The following SYCE1L variants were observed in gnomAD, a reference collection of about 807,000 sequenced individuals.
The protein encoded by SYCE1L is synaptonemal complex central element protein 1-like.
A neutral mutation model predicts 39.6 loss-of-function variants in SYCE1L; 51 were observed. That is an observed-to-expected ratio of 1.29 (90% CI 1.03 to 1.63). The LOEUF (loss-of-function observed/expected upper bound fraction) is 1.63. Among genes scored for constraint, SYCE1L ranks in the 40% most tolerant of loss-of-function variants. SYCE1L has a pLI of 0.00. For missense variants in SYCE1L, 426 were observed against 304.9 expected (o/e 1.40, Z -2.96); for synonymous variants, 147 against 122.4 (o/e 1.20, Z -1.33).
chr16:77,212,610 C>T lies in SYCE1L; in HGVS notation c.618C>T (p.Val206=), dbSNP rs1179523485. The T allele has an allele frequency of 2.8e-5, 43 of 1,535,770 alleles. No individual in the cohort carries two copies. Among genetic ancestry groups the T allele is most frequent in the Non-Finnish European group, 3.2e-5 (37 of 1,146,368 alleles). ...KAELEIFGEQ[V]RSAPEVGAGE... is the part of the protein sequence containing the mutation. ...AGCTGGAGATATTCGGGGAGCAGGT[C>T]CGGAGCGCCCCCGAGGTCGGGGCCG... is the stretch of plus-strand genomic sequence containing the variant. The change falls in exon 10 of 11, where the codon GTC becomes GTT. Residue 206 remains valine (V), a synonymous_variant. Transcript: ENST00000378644.
Position 77,213,192 on chromosome 16 carries a change from C to G in SYCE1L, c.*261C>G, listed in dbSNP as rs1267373164. 5.3e-6 allele frequency: 2 copies of G among 378,896 alleles called. No homozygotes were observed. Among genetic ancestry groups the G allele is most frequent in the East Asian group, 3.8e-5 (1 of 26,166 alleles). 23.5% of individuals were successfully genotyped at this position (378,896 alleles called of 1,614,324 possible). On this transcript the variant is annotated 3_prime_UTR_variant, in exon 11 of 11. Transcript: ENST00000378644. ...AGTATCCCCCGCCCCACGGCCTCAT[C>G]TCGAGTTCCCAAACCATCTATGTTG...
chr16:77,212,732 G>C, intron 10 of SYCE1L, 86 bp downstream of exon 10: 1 of 1,433,640 alleles, frequency 7.0e-7, no homozygotes, highest in East Asian at 2.6e-5. Flanking sequence ...GCCCCCGAGA[G>C]TGGGGTCTGT....
At position 77,213,086 on chromosome 16, in the gene SYCE1L, AC is replaced by A; in HGVS notation, c.*159del. On this transcript the variant is annotated 3_prime_UTR_variant, in exon 11 of 11. Coordinates refer to ENST00000378644, the MANE Select transcript of SYCE1L (RefSeq NM_001129979.3). ...GATCTCGAGGCGGGGCCTCTGCCGGACCCCTCCCACCAGTCGAGCCCCGGGC... is the reference window on the plus strand; with the variant it reads ...GATCTCGAGGCGGGGCCTCTGCCGGACCCTCCCACCAGTCGAGCCCCGGGC... The A allele has an allele frequency of 1.3e-6, 1 of 753,842 alleles. No individual in the cohort carries two copies. The highest frequency in any genetic ancestry group is 1.9e-6 in the Non-Finnish European group (1 of 534,252). 46.7% of individuals were successfully genotyped at this position (753,842 alleles called of 1,614,324 possible).
rs748557852 is a variant in SYCE1L, at chr16:77,212,198, G to A, written c.492G>A (p.Glu164=). 7 of 1,547,640 alleles carry A rather than the reference G, an allele frequency of 4.5e-6. No homozygotes were observed. In the South Asian group the frequency reaches 6.0e-5, roughly 13 times the overall value. Residue 164 remains glutamate (E), a splice_region_variant and synonymous_variant, in exon 8 of 11, where the codon GAG becomes GAA. Transcript: ENST00000378644. The part of the protein sequence containing the change: ...LERSKEQLLS[E]RRLVRAKLRE... ...GAAGCAAGGAGCAGCTGCTCTCGGA[G>A]AGTGAGCCTCCCGCGCCAGGTGGGC...
At chr16:77,209,620 C>G (rs1597037729) in intron 6 of SYCE1L, 149 bp downstream of exon 6, 1 of 811,446 alleles carries the variant, frequency 1.2e-6, no homozygotes, top group East Asian at 2.7e-5. Flanking sequence ...CCTTGGTTAT[C>G]TCTGATATTA....
Position 77,212,281 on chromosome 16 carries a change from G to C in SYCE1L, c.494-1G>C, listed in dbSNP as rs1440963348. On this transcript the variant is annotated splice_acceptor_variant, in intron 8 of 10. Transcript: ENST00000378644. LOFTEE classifies it high-confidence loss of function. ...TGCCCCTGACGCCCGCCCACCGACA[G>C]GGAGGCTGGTGCGCGCCAAGCTGCG... 4 of 1,520,074 alleles carry C rather than the reference G, an allele frequency of 2.6e-6. No homozygotes were observed. Among genetic ancestry groups the C allele is most frequent in the Non-Finnish European group, 3.5e-6 (4 of 1,134,662 alleles). 94.2% of individuals were successfully genotyped at this position (1,520,074 alleles called of 1,614,324 possible).
intron 2 of SYCE1L, among the ~76,000 whole-genome samples, 195 bp downstream of exon 2, chr16:77,206,695 A>G (rs1225525858): frequency 6.6e-6 from 1 of 152,056 alleles, no homozygotes; most frequent in African/African-American, 2.4e-5. Flanking sequence ...GAATGGAAAA[A>G]CCAGTTCCCC....
chr16:77,207,782 C>T (rs541222987), intron 2 of SYCE1L, among the ~76,000 whole-genome samples: 4 of 152,262 alleles, frequency 2.6e-5, no homozygotes, highest in South Asian at 2.1e-4. Context: ...GTGCCTCACC[C>T]GCTCCTGCCA....
In SYCE1L at chr16:77,199,477, A is replaced by G. The variant is rs761911708; in HGVS notation, c.26A>G (p.Asn9Ser). Residue 9 changes from asparagine to serine, a missense_variant, in exon 1 of 11, where the codon AAT becomes AGT. Coordinates refer to ENST00000378644, the MANE Select transcript of SYCE1L (RefSeq NM_001129979.3). ...ATGGCGGGGAAGCTGAAACCTCTGA[A>G]TGTGGAGGCGCCAGAAGCTACTGAG... is the stretch of plus-strand genomic sequence containing the variant. Reference protein sequence around the residue: MAGKLKPLNVEAPEATEEA... With the variant: MAGKLKPLSVEAPEATEEA... 9 of 1,551,402 alleles carry G rather than the reference A, an allele frequency of 5.8e-6. No individual in the cohort carries two copies. The African/African-American group carries it at 1.1e-4, about 19-fold the overall frequency.
intron 1 of SYCE1L, chr16:77,200,364 A>G (rs1403705338): frequency 6.7e-6 from 1 of 150,336 alleles, no homozygotes; most frequent in Non-Finnish European, 1.5e-5. Flanking sequence ...AGGCAGGAGA[A>G]TCACTTGAAC....
intron 1 of SYCE1L, among the ~76,000 whole-genome samples, chr16:77,205,010 A>C (rs1190510071): frequency 2.0e-5 from 3 of 146,572 alleles, no homozygotes; most frequent in Non-Finnish European, 4.5e-5. Context: ...GTGCCACTGC[A>C]CTCCAGCCTG....
chr16:77,204,003 A>G (rs1346693911), intron 1 of SYCE1L, among the ~76,000 whole-genome samples: 1 of 152,168 alleles, frequency 6.6e-6, no homozygotes, highest in East Asian at 1.9e-4. Flanking sequence ...TCAAGAGGAA[A>G]TGAATAAGGT....
intron 1 of SYCE1L, 86 bp downstream of exon 1, chr16:77,199,598 A>T (rs1278250509): frequency 1.9e-6 from 2 of 1,071,536 alleles, no homozygotes; most frequent in Non-Finnish European, 2.7e-6. Flanking sequence ...TAATGAAATA[A>T]TGATATTCTA....
At chr16:77,201,248 A>G (rs1383121643) in intron 1 of SYCE1L, 2 of 152,250 alleles carry the variant, frequency 1.3e-5, no homozygotes, top group Non-Finnish European at 2.9e-5. Context: ...TCAACAAAAG[A>G]CAGACGGAAA....
chr16:77,204,086 A>G (rs4888608), intron 1 of SYCE1L, among the ~76,000 whole-genome samples: 79,043 of 151,764 alleles, frequency 0.52, 22,601 homozygotes, highest in Non-Finnish European at 0.64. Flanking sequence ...AAAAAAAGAA[A>G]AAGATTAAAA....
intron 4 of SYCE1L, among the ~76,000 whole-genome samples, chr16:77,208,847 C>G (rs1014132228): frequency 6.6e-6 from 1 of 152,202 alleles, no homozygotes; most frequent in Admixed American, 6.5e-5. Flanking sequence ...AGCCATCTTT[C>G]TCCTCAGTGT....
At chr16:77,212,065 G>T (rs755550988) in intron 7 of SYCE1L, 65 bp from the exon 8 acceptor site, 200 of 1,492,574 alleles carry the variant, frequency 1.3e-4, no homozygotes, top group Non-Finnish European at 1.8e-4. Context: ...AGCACAAAAG[G>T]GGAGGGGCGG....
In SYCE1L at chr16:77,211,370, T is replaced by A. The variant is rs1277326441; in HGVS notation, c.423+94T>A. On this transcript the variant is annotated intron_variant, in intron 7 of 10. Transcript: ENST00000378644. ...AGAGTCCACCCCTGCCCAGGCTCAA[T>A]GCCGCGGGATAGTCCTTGATTCCTT... is the stretch of plus-strand genomic sequence containing the variant. The A allele has an allele frequency of 7.1e-6, 10 of 1,401,188 alleles. 1 individual carries two copies. The South Asian group carries it at 1.1e-4, about 16-fold the overall frequency. 86.8% of individuals were successfully genotyped at this position (1,401,188 alleles called of 1,614,324 possible).
intron 1 of SYCE1L, 85 bp downstream of exon 1, chr16:77,199,597 A>G: frequency 9.3e-7 from 1 of 1,078,934 alleles, no homozygotes; most frequent in Non-Finnish European, 1.3e-6. Context: ...ATAATGAAAT[A>G]ATGATATTCT....
Sources: allele counts gnomAD v4.1 joint callset (sites outside exome capture counted in the v4.1 genomes callset), GRCh38; gene constraint gnomAD v4.1.1; transcripts MANE v1.5; gene names NCBI Gene and HGNC (gene_info 2026-07-23, HGNC 2026-07-21).